The following CCNJL variants were observed in gnomAD, a reference collection of about 807,000 sequenced individuals.
CCNJL encodes cyclin-J-like protein.
Under a neutral mutation model 33.4 loss-of-function variants are expected in CCNJL, and 33 were observed. The ratio of observed to expected loss-of-function variants is 0.99; its 90% CI spans 0.75 to 1.32. The LOEUF is 1.32. Among genes scored for constraint, CCNJL ranks in the 40% most tolerant of loss-of-function variants. The pLI is 0.00. For synonymous variants in CCNJL, 227 were observed against 220.9 expected (o/e 1.03, Z -0.24); for missense variants, 512 against 499.7 (o/e 1.02, Z -0.23).
rs565257208 is a variant in CCNJL at position 160,297,256 on chromosome 5, C to T, written c.66+14602G>A. ...GGTCTTGCAGATTACACATGAGGCT[C>T]ACTAAATGACCACTGGATAAAGAGG... is the stretch of plus-strand genomic sequence containing the variant. On this transcript the variant is annotated intron_variant, in intron 2 of 5. Coordinates refer to ENST00000257536, the MANE Select transcript of CCNJL (RefSeq NM_001308173.3). Among the ~76,000 whole-genome samples the T allele has an allele frequency of 2.0e-5, 3 of 152,258 alleles. No homozygotes were observed. The East Asian group carries it at 5.8e-4, about 29-fold the overall frequency.
chr5:160,276,731 A>G (rs1393557493), intron 3 of CCNJL, among the ~76,000 whole-genome samples: 6 of 152,186 alleles, frequency 3.9e-5, no homozygotes, highest in Non-Finnish European at 8.8e-5. Flanking sequence ...TCAACCGTAC[A>G]CTTGAAAATG....
intron 5 of CCNJL, 125 bp downstream of exon 5, chr5:160,255,424 G>T: frequency 1.2e-6 from 1 of 822,884 alleles, no homozygotes; most frequent in Non-Finnish European, 2.0e-6. Flanking sequence ...CTTTCCCTGA[G>T]ACCCTGTAGC....
chr5:160,299,435 A>T (rs1259393333), intron 2 of CCNJL, among the ~76,000 whole-genome samples: 1 of 152,098 alleles, frequency 6.6e-6, no homozygotes, highest in African/African-American at 2.4e-5. Context: ...TATAGAAGTG[A>T]GCCACCATGC....
chr5:160,255,545 T>A lies in CCNJL; in HGVS notation c.743+4A>T. 1 of 1,613,786 alleles carries A rather than the reference T, an allele frequency of 6.2e-7. No homozygotes were observed. Among genetic ancestry groups the A allele is most frequent in the Non-Finnish European group, 8.5e-7 (1 of 1,179,772 alleles). On this transcript the variant is annotated splice_donor_region_variant and intron_variant, in intron 5 of 5. Coordinates refer to ENST00000257536, the MANE Select transcript of CCNJL (RefSeq NM_001308173.3). ...GAAACACAGGATTCAGGGGAGAAACTTACACCAGCAGGATTTCAATACACG... is the reference window on the plus strand; with the variant it reads ...GAAACACAGGATTCAGGGGAGAAACATACACCAGCAGGATTTCAATACACG...
At chr5:160,310,111 T>C (rs1442069275) in intron 2 of CCNJL, among the ~76,000 whole-genome samples, 1 of 152,158 alleles carries the variant, frequency 6.6e-6, no homozygotes, top group Non-Finnish European at 1.5e-5. Context: ...GTAGAAGTCG[T>C]TCCTCCTAAG....
chr5:160,283,801 C>T (rs1304227572), intron 2 of CCNJL, among the ~76,000 whole-genome samples: 1 of 151,930 alleles, frequency 6.6e-6, no homozygotes, highest in African/African-American at 2.4e-5. Flanking sequence ...TGGTAACCAT[C>T]CTTCTACTCT....
chr5:160,280,606 G>A lies in CCNJL; in HGVS notation c.199C>T (p.Leu67=), dbSNP rs1331513688. The change falls in exon 3 of 6, where the codon CTG becomes TTG. Residue 67 remains leucine, a synonymous_variant. Coordinates refer to ENST00000257536, the MANE Select transcript of CCNJL (RefSeq NM_001308173.3). ...TTGTAGCGATCCATGAAGTGGTCCAGCAGGTAGACGGCCAGGTGCCGGGCT... is the reference window on the plus strand; with the variant it reads ...TTGTAGCGATCCATGAAGTGGTCCAACAGGTAGACGGCCAGGTGCCGGGCT... ...PAARHLAVYL[L]DHFMDRYNVT... 1.9e-6 allele frequency: 3 copies of A among 1,613,518 alleles called. No homozygotes were observed. Among genetic ancestry groups the A allele is most frequent in the Non-Finnish European group, 2.5e-6 (3 of 1,179,988 alleles).
intron 3 of CCNJL, among the ~76,000 whole-genome samples, chr5:160,277,912 G>C (rs1164476797): frequency 6.6e-6 from 1 of 151,450 alleles, no homozygotes; most frequent in African/African-American, 2.4e-5. Flanking sequence ...CTGGCTAATT[G>C]CTTTTTTTTT....
intron 1 of CCNJL, among the ~76,000 whole-genome samples, chr5:160,323,250 A>AAT (rs1763495359): frequency 6.6e-6 from 1 of 150,742 alleles, no homozygotes; most frequent in Non-Finnish European, 1.5e-5. Context: ...AAAAAAAAAA[A>AAT]GTCCCTCAAA....
At chr5:160,295,121 G>GT (rs1332631745) in intron 2 of CCNJL, among the ~76,000 whole-genome samples, 3 of 152,228 alleles carry the variant, frequency 2.0e-5, no homozygotes, top group Non-Finnish European at 4.4e-5. Flanking sequence ...TAAAAAGGGG[G>GT]TTCCCCCCCG....
intron 2 of CCNJL, among the ~76,000 whole-genome samples, chr5:160,297,333 A>C (rs1000618624): frequency 6.6e-6 from 1 of 152,134 alleles, no homozygotes; most frequent in Non-Finnish European, 1.5e-5. Flanking sequence ...GGCCCCAGAA[A>C]ATTAGCCAGA....
chr5:160,267,029 A>G (rs1484317909), intron 3 of CCNJL, among the ~76,000 whole-genome samples: 1 of 152,170 alleles, frequency 6.6e-6, no homozygotes, highest in Non-Finnish European at 1.5e-5. Flanking sequence ...CAGGTAACCC[A>G]GTTGGGTTGC....
chr5:160,308,565 C>A (rs1041091279), intron 2 of CCNJL, among the ~76,000 whole-genome samples: 4 of 152,330 alleles, frequency 2.6e-5, no homozygotes, highest in Non-Finnish European at 5.9e-5. Flanking sequence ...TCGAGACCAG[C>A]CTGACCAACA....
chr5:160,291,589 G>A (rs1762587269), intron 2 of CCNJL, among the ~76,000 whole-genome samples: 1 of 152,208 alleles, frequency 6.6e-6, no homozygotes, highest in Non-Finnish European at 1.5e-5. Flanking sequence ...GGGGCACCTG[G>A]TATGCCAGCG....
intron 3 of CCNJL, among the ~76,000 whole-genome samples, chr5:160,271,582 C>T (rs143665605): frequency 9.4e-4 from 143 of 152,324 alleles, no homozygotes; most frequent in African/African-American, 3.3e-3. Flanking sequence ...CCATGTCCTC[C>T]GCTCACTGTG....
rs1341904708 is a variant in CCNJL, at chr5:160,320,965, TG to T, written n.207-5461del. On this transcript the variant is annotated intron_variant and non_coding_transcript_variant, in intron 1 of 7. Transcript: ENST00000377503. ...CTTCCTTCCCTCCTTCTCTCCTCTCTGTCTCTCCCTCCCTCTCTCTCTTTCT... is the reference window on the plus strand; with the variant it reads ...CTTCCTTCCCTCCTTCTCTCCTCTCTTCTCTCCCTCCCTCTCTCTCTTTCT... Among the ~76,000 whole-genome samples, 15 of 139,358 alleles carry T rather than the reference TG, an allele frequency of 1.1e-4. 1 individual carries two copies. The highest frequency in any genetic ancestry group is 3.1e-4 in the African/African-American group (11 of 35,834). The allele number at this position is 139,358 out of a possible 152,430, so 91.4% of individuals were successfully genotyped here.
At chr5:160,261,206 G>C (rs1252942419) in intron 3 of CCNJL, 1 of 152,202 alleles carries the variant, frequency 6.6e-6, no homozygotes, top group Non-Finnish European at 1.5e-5. Context: ...CGGCTCAAAA[G>C]ACGTCACTGC....
intron 1 of CCNJL, among the ~76,000 whole-genome samples, chr5:160,336,393 G>A (rs1763684476): frequency 6.6e-6 from 1 of 152,224 alleles, no homozygotes; most frequent in South Asian, 2.1e-4. Flanking sequence ...GGAGAAGGCT[G>A]TGTGACCAAG....
intron 1 of CCNJL, among the ~76,000 whole-genome samples, chr5:160,320,797 CTTT>C (rs1423853548): frequency 3.6e-4 from 17 of 46,668 alleles, no homozygotes; most frequent in South Asian, 9.2e-4. Context: ...TCCTTTCTTT[CTTT>C]CTTTCTTTCT....
Sources: allele counts gnomAD v4.1 joint callset (sites outside exome capture counted in the v4.1 genomes callset), GRCh38; gene constraint gnomAD v4.1.1; transcripts MANE v1.5; gene names NCBI Gene and HGNC (gene_info 2026-07-23, HGNC 2026-07-21).